The following ASH1L variants were observed in gnomAD, a reference collection of about 807,000 sequenced individuals.
The protein encoded by ASH1L is ASH1 like histone lysine methyltransferase.
A neutral mutation model predicts 269.0 loss-of-function variants in ASH1L; 23 were observed. That is an observed-to-expected ratio of 0.09 (90% CI 0.06 to 0.12). The LOEUF is 0.12. Ranked by LOEUF, ASH1L falls within the 10% of genes least tolerant of loss-of-function variation. ASH1L has a pLI of 1.00. For synonymous variants in ASH1L, 1,187 were observed against 1,253.5 expected (o/e 0.95, Z 1.12); for missense variants, 2,912 against 3,567.8 (o/e 0.82, Z 4.68).
At chr1:155,520,969 C>T (rs1668846912) in intron 2 of ASH1L, 131 bp downstream of exon 2, 1 of 960,986 alleles carries the variant, frequency 1.0e-6, no homozygotes, top group Non-Finnish European at 1.5e-6. Context: ...TATTTTAAGG[C>T]TCACAAAAAC....
At chr1:155,351,288 G>A (rs1013883349) in intron 17 of ASH1L, among the ~76,000 whole-genome samples, 3 of 151,464 alleles carry the variant, frequency 2.0e-5, no homozygotes, top group Admixed American at 1.3e-4. Flanking sequence ...AGTGGCTCAC[G>A]CCTGTAATCC....
intron 7 of ASH1L, among the ~76,000 whole-genome samples, chr1:155,390,051 G>A (rs1459883767): frequency 6.6e-6 from 1 of 152,000 alleles, no homozygotes; most frequent in African/African-American, 2.4e-5. Flanking sequence ...CTGAGTCAGA[G>A]TGGACAACTC....
chr1:155,448,336 T>C (rs760158099), intron 4 of ASH1L, among the ~76,000 whole-genome samples: 4 of 151,814 alleles, frequency 2.6e-5, no homozygotes, highest in South Asian at 4.1e-4. Flanking sequence ...TTTTTATTTT[T>C]CTTTTCGTTT....
At chr1:155,360,479 T>C (rs1385270705) in intron 12 of ASH1L, 70 bp from the exon 13 acceptor site, 3 of 938,856 alleles carry the variant, frequency 3.2e-6, no homozygotes, top group Non-Finnish European at 3.4e-6. Context: ...AGTCTCCCTC[T>C]GTTGCCTAGG....
At chr1:155,526,000 ATTT>A (rs891635991) in intron 1 of ASH1L, among the ~76,000 whole-genome samples, 7 of 152,156 alleles carry the variant, frequency 4.6e-5, no homozygotes, top group African/African-American at 9.7e-5. Flanking sequence ...ATTTTGTATA[ATTT>A]TTTATTATTG....
At chr1:155,535,640 C>T (rs1165234438) in intron 1 of ASH1L, among the ~76,000 whole-genome samples, 1 of 148,376 alleles carries the variant, frequency 6.7e-6, no homozygotes, top group Admixed American at 6.7e-5. Context: ...GGCAAGACCC[C>T]ATCTCTTAAA....
At chr1:155,555,540 T>C (rs1671528900) in intron 1 of ASH1L, among the ~76,000 whole-genome samples, 2 of 143,476 alleles carry the variant, frequency 1.4e-5, no homozygotes, top group Admixed American at 6.9e-5. Flanking sequence ...AAAATGAAAA[T>C]CTAGGGACTA....
intron 5 of ASH1L, among the ~76,000 whole-genome samples, chr1:155,416,414 G>A (rs1332761896): frequency 2.0e-5 from 3 of 151,624 alleles, no homozygotes; most frequent in South Asian, 2.1e-4. Flanking sequence ...CACCGTGCCC[G>A]GCATGAGAAA....
chr1:155,541,345 T>C (rs1053740900), intron 1 of ASH1L, among the ~76,000 whole-genome samples: 1 of 152,032 alleles, frequency 6.6e-6, no homozygotes, highest in African/African-American at 2.4e-5. Flanking sequence ...ATTATATAAA[T>C]TTTTCAGTTT....
chr1:155,505,084 AT>A (rs1197025620), intron 2 of ASH1L, among the ~76,000 whole-genome samples: 2 of 152,148 alleles, frequency 1.3e-5, no homozygotes, highest in African/African-American at 4.8e-5. Flanking sequence ...TGGTCATGCA[AT>A]TCTTTTTGTT....
chr1:155,419,200 A>G (rs1311203800), intron 5 of ASH1L, among the ~76,000 whole-genome samples: 1 of 152,134 alleles, frequency 6.6e-6, no homozygotes, highest in African/African-American at 2.4e-5. Flanking sequence ...CAGGAGTTCA[A>G]GACCAGCCTG....
In ASH1L at chr1:155,517,465, C is replaced by T. The variant is rs1668568469; in HGVS notation, c.420+3635G>A. On this transcript the variant is annotated intron_variant, in intron 2 of 27. Coordinates refer to ENST00000392403, the MANE Select transcript of ASH1L (RefSeq NM_018489.3). ...CCAACATGGTGAAACCCTGTCTCTACTAAAAGTACAAAAACTAGCCGGGCG... is the reference window on the plus strand; with the variant it reads ...CCAACATGGTGAAACCCTGTCTCTATTAAAAGTACAAAAACTAGCCGGGCG... Among the ~76,000 whole-genome samples, 3 of 152,004 alleles carry T rather than the reference C, an allele frequency of 2.0e-5. No individual in the cohort carries two copies. The South Asian group carries it at 6.2e-4, about 32-fold the overall frequency.
chr1:155,395,668 A>T (rs902955655), intron 6 of ASH1L, 115 bp from the exon 7 acceptor site: 13 of 345,628 alleles, frequency 3.8e-5, no homozygotes, highest in South Asian at 1.3e-4. Flanking sequence ...TTGATAAATT[A>T]AAAAAAAAAA....
At chr1:155,396,659 G>A (rs992523187) in intron 6 of ASH1L, among the ~76,000 whole-genome samples, 3 of 151,526 alleles carry the variant, frequency 2.0e-5, no homozygotes, top group Admixed American at 1.3e-4. Context: ...TTCCTTTAAC[G>A]AAATTATAAC....
chr1:155,426,183 G>A (rs1408106145), intron 5 of ASH1L, among the ~76,000 whole-genome samples: 1 of 152,104 alleles, frequency 6.6e-6, no homozygotes, highest in African/African-American at 2.4e-5. Flanking sequence ...TCCTGCCTCA[G>A]CCTCCCTAGT....
chr1:155,411,868 A>T (rs1259809267), intron 6 of ASH1L, among the ~76,000 whole-genome samples: 1 of 151,614 alleles, frequency 6.6e-6, no homozygotes, highest in African/African-American at 2.4e-5. Context: ...TAGACAGGAC[A>T]TGCTGGGTTT....
At position 155,480,299 on chromosome 1, in the gene ASH1L, T is replaced by C. The variant is rs1334469046; in HGVS notation, c.2571A>G (p.Leu857=). The C allele has an allele frequency of 6.2e-7, 1 of 1,614,172 alleles. No individual in the cohort carries two copies. The highest frequency in any genetic ancestry group is 2.2e-5 in the East Asian group (1 of 44,888). The change falls in exon 3 of 28, where the codon TTA becomes TTG. Residue 857 remains leucine, a synonymous_variant. Coordinates refer to ENST00000392403, the MANE Select transcript of ASH1L (RefSeq NM_018489.3). The part of the protein sequence containing the change: ...LKIPASKVFS[L]QSKEEQEPPI... ...GGGGTTCTTGTTCTTCCTTAGACTG[T>C]AAAGAAAACACTTTAGAAGCAGGGA...
rs117808834 is a variant in ASH1L at position 155,432,930 on chromosome 1, G to A, written c.5828+5397C>T. On this transcript the variant is annotated intron_variant, in intron 5 of 27. Transcript: ENST00000392403. ...ATTTATTGTATTTTTTGGTAAAGACGGGGTTTCACCATGTTACCCAGGCTG... is the reference window on the plus strand; with the variant it reads ...ATTTATTGTATTTTTTGGTAAAGACAGGGTTTCACCATGTTACCCAGGCTG... Among the ~76,000 whole-genome samples the A allele has an allele frequency of 8.8e-4, 134 of 152,182 alleles. 2 individuals are homozygous for A. In the East Asian group the frequency reaches 0.02, roughly 23 times the overall value.
intron 6 of ASH1L, among the ~76,000 whole-genome samples, chr1:155,397,272 G>A (rs985775547): frequency 2.0e-5 from 3 of 152,050 alleles, no homozygotes; most frequent in African/African-American, 7.2e-5. Context: ...CAAGGCGGGT[G>A]GATCACCTGA....
Sources: gnomAD v4.1 joint callset for allele counts (sites outside exome capture counted in the v4.1 genomes callset) on GRCh38, gnomAD v4.1.1 for gene constraint, MANE v1.5 for transcripts, NCBI Gene and HGNC (gene_info 2026-07-23, HGNC 2026-07-21) for gene names.